Variants in PAH observed in about 807,000 individuals in gnomAD.
PAH encodes phenylalanine hydroxylase.
PAH carries 64 observed loss-of-function variants against 62.0 expected under a neutral mutation model. That is an observed-to-expected ratio of 1.03 (90% confidence interval 0.84 to 1.27). PAH has a LOEUF of 1.27. Ranked by LOEUF, PAH falls within the 50% of genes most tolerant of loss-of-function variation. The pLI, the probability that PAH is intolerant of heterozygous loss-of-function variation, is 0.00. For missense variants in PAH, 579 were observed against 542.8 expected (o/e 1.07, Z -0.66); for synonymous variants, 195 against 196.2 (o/e 0.99, Z 0.05).
intron 6 of PAH, among the ~76,000 whole-genome samples, chr12:102,853,605 G>C (rs986836557): frequency 2.6e-5 from 4 of 152,138 alleles, no homozygotes; most frequent in Non-Finnish European, 4.4e-5. Context: ...CTAATTAAGG[G>C]GTAAAATATT....
chr12:102,907,609 C>CT lies in PAH; in HGVS notation c.168+5181dup, dbSNP rs371746459. On this transcript the variant is annotated intron_variant, in intron 2 of 12. Coordinates refer to ENST00000553106, the MANE Select transcript of PAH (RefSeq NM_000277.3). ...AGCATCTTTTTCCTTCTTTTCTTTT[C>CT]TTTTTTTTTTTGTGGGGAGGGAGGG... Among the ~76,000 whole-genome samples the CT allele has an allele frequency of 5.6e-3, 815 of 144,894 alleles. 6 individuals carry two copies. Among genetic ancestry groups the CT allele is most frequent in the African/African-American group, 0.015 (590 of 39,742 alleles).
chr12:102,892,498 A>C (rs916008031), intron 3 of PAH, among the ~76,000 whole-genome samples: 16 of 152,262 alleles, frequency 1.1e-4, no homozygotes, highest in African/African-American at 3.9e-4. Context: ...ATGTTTATTC[A>C]CAGCTTTATT....
Position 102,837,888 on chromosome 12 carries a change from G to C in PAH, c.*1287C>G, listed in dbSNP as rs1475763835. ...AAAAAATGGGGTACTTAAAAATACA[G>C]GTCTCTGGGCCTTATCTTCAGAGAT... On this transcript the variant is annotated 3_prime_UTR_variant, in exon 13 of 13. Coordinates refer to ENST00000553106, the MANE Select transcript of PAH (RefSeq NM_000277.3). The C allele has an allele frequency of 6.6e-6, 1 of 152,174 alleles. No individual in the cohort carries two copies. Among genetic ancestry groups the C allele is most frequent in the Non-Finnish European group, 1.5e-5 (1 of 68,038 alleles). 9.4% of individuals were successfully genotyped at this position (152,174 alleles called of 1,614,324 possible).
intron 2 of PAH, among the ~76,000 whole-genome samples, chr12:102,906,874 G>A (rs1200764942): frequency 6.6e-6 from 1 of 152,182 alleles, no homozygotes; most frequent in East Asian, 1.9e-4. Context: ...AGAGGCTGCA[G>A]ACCAATGTGC....
intron 3 of PAH, among the ~76,000 whole-genome samples, chr12:102,878,267 C>T (rs1019737413): frequency 6.6e-5 from 10 of 152,180 alleles, no homozygotes; most frequent in African/African-American, 7.2e-5. Flanking sequence ...CAAAATCTTT[C>T]GATCGCAAAG....
At chr12:102,931,466 T>C (rs7955991) in intron 1 of PAH, among the ~76,000 whole-genome samples, 23,810 of 152,158 alleles carry the variant, frequency 0.16, 2,533 homozygotes, top group African/African-American at 0.28. Context: ...GAAAGGAAGA[T>C]GATTCCCAAG....
chr12:102,917,593 A>AC, upstream of PAH: 1 of 219,414 alleles, frequency 4.6e-6, no homozygotes, highest in Non-Finnish European at 9.2e-6. Flanking sequence ...CGCCCCCCTT[A>AC]CCCCCAGCTG....
chr12:102,895,369 A>C (rs1877456168), intron 2 of PAH, among the ~76,000 whole-genome samples: 1 of 152,100 alleles, frequency 6.6e-6, no homozygotes, highest in South Asian at 2.1e-4. Flanking sequence ...TAATATCTAA[A>C]TTTATTGCTT....
intron 2 of PAH, among the ~76,000 whole-genome samples, chr12:102,900,635 C>A (rs142665192): frequency 6.6e-6 from 1 of 152,214 alleles, no homozygotes; most frequent in African/African-American, 2.4e-5. Flanking sequence ...TAAAAAATAA[C>A]CCTCCAGTTT....
chr12:102,883,917 G>T (rs1019015002), intron 3 of PAH, among the ~76,000 whole-genome samples: 2 of 152,182 alleles, frequency 1.3e-5, no homozygotes, highest in Non-Finnish European at 2.9e-5. Flanking sequence ...TATACTAATA[G>T]TACGTCCTTC....
At chr12:102,857,308 A>G (rs1044820825) in intron 5 of PAH, among the ~76,000 whole-genome samples, 5 of 152,218 alleles carry the variant, frequency 3.3e-5, no homozygotes, top group Non-Finnish European at 5.9e-5. Flanking sequence ...AGCCTCCAAG[A>G]AATATGGTAC....
intron 6 of PAH, among the ~76,000 whole-genome samples, chr12:102,853,840 C>T (rs1875286846): frequency 6.6e-6 from 1 of 152,144 alleles, no homozygotes; most frequent in African/African-American, 2.4e-5. Context: ...TGCTACTAAT[C>T]CCCACAATAG....
intron 3 of PAH, among the ~76,000 whole-genome samples, chr12:102,890,546 C>T (rs1483595853): frequency 6.6e-6 from 1 of 152,200 alleles, no homozygotes; most frequent in Non-Finnish European, 1.5e-5. Flanking sequence ...CAGGTGGGGG[C>T]AGCCACTATG....
intron 1 of PAH, among the ~76,000 whole-genome samples, chr12:102,947,155 T>C (rs766436485): frequency 1.3e-5 from 2 of 152,114 alleles, no homozygotes; most frequent in Non-Finnish European, 2.9e-5. Context: ...TTATATTATA[T>C]ACATACTAAA....
chr12:102,874,732 C>G (rs1876489604), intron 4 of PAH, among the ~76,000 whole-genome samples: 1 of 152,192 alleles, frequency 6.6e-6, no homozygotes, highest in Non-Finnish European at 1.5e-5. Flanking sequence ...GCAAGATGGT[C>G]ACCAGGAAAT....
At chr12:102,891,908 A>G (rs999274616) in intron 3 of PAH, among the ~76,000 whole-genome samples, 1 of 152,162 alleles carries the variant, frequency 6.6e-6, no homozygotes, top group Admixed American at 6.5e-5. Context: ...TGCTCCAACC[A>G]GAGGCTGAAT....
chr12:102,849,298 A>T (rs577024140), intron 8 of PAH, among the ~76,000 whole-genome samples: 61 of 152,292 alleles, frequency 4.0e-4, no homozygotes, highest in African/African-American at 1.4e-3. Flanking sequence ...GCTGTGCTGG[A>T]GAAGGTTTGA....
chr12:102,891,880 G>C (rs867144167), intron 3 of PAH, among the ~76,000 whole-genome samples: 4 of 152,268 alleles, frequency 2.6e-5, no homozygotes, highest in African/African-American at 9.6e-5. Flanking sequence ...CATGGCCCCA[G>C]CTGGCCCAGC....
At position 102,937,610 on chromosome 12, in the gene PAH, A is replaced by T. The variant is rs1879146279; in HGVS notation, c.-96+12979T>A. ...TTTTTATTATTTCTATTTATATATT[A>T]TTGTACTTTCAATGTATTGACAAGT... On this transcript the variant is annotated intron_variant, in intron 1 of 3. Coordinates refer to the PAH transcript ENST00000546844. 5.3e-5 allele frequency among the ~76,000 whole-genome samples: 8 copies of T among 152,158 alleles called. 1 individual carries two copies. In the South Asian group the frequency reaches 1.7e-3, roughly 32 times the overall value.
Sources: gnomAD v4.1 joint callset for allele counts (sites outside exome capture counted in the v4.1 genomes callset) on GRCh38, gnomAD v4.1.1 for gene constraint, MANE v1.5 for transcripts, NCBI Gene and HGNC (gene_info 2026-07-23, HGNC 2026-07-21) for gene names.